The following PARN variants were observed in gnomAD, a reference collection of about 807,000 sequenced individuals.
PARN encodes poly(A)-specific ribonuclease PARN.
Under a neutral mutation model 102.8 loss-of-function variants are expected in PARN, and 71 were observed. The observed-to-expected ratio is 0.69, with a 90% CI of 0.57 to 0.84. The LOEUF (loss-of-function observed/expected upper bound fraction) is 0.84. Ranked by LOEUF, PARN falls within the 40% of genes least tolerant of loss-of-function variation. The pLI is 0.00. For synonymous variants in PARN, 261 were observed against 252.9 expected (o/e 1.03, Z -0.30); for missense variants, 782 against 760.9 (o/e 1.03, Z -0.33).
intron 12 of PARN, among the ~76,000 whole-genome samples, chr16:14,597,859 T>C (rs191988328): frequency 2.0e-5 from 3 of 151,974 alleles, no homozygotes; most frequent in African/African-American, 7.2e-5. Context: ...ATCCAAGTTA[T>C]ACAGCCGGGC....
intron 22 of PARN, among the ~76,000 whole-genome samples, chr16:14,473,973 G>A (rs1174497973): frequency 1.3e-5 from 2 of 152,082 alleles, no homozygotes; most frequent in African/African-American, 4.8e-5. Flanking sequence ...AATTTAGAGG[G>A]CGGCCTCCAC....
chr16:14,491,690 T>A (rs1437766733), intron 21 of PARN, among the ~76,000 whole-genome samples: 1 of 152,114 alleles, frequency 6.6e-6, no homozygotes, highest in African/African-American at 2.4e-5. Context: ...GAGGATCACT[T>A]GAGCCAGCAA....
intron 12 of PARN, among the ~76,000 whole-genome samples, chr16:14,593,970 C>A (rs1970355360): frequency 6.6e-6 from 1 of 151,704 alleles, no homozygotes; most frequent in Non-Finnish European, 1.5e-5. Flanking sequence ...GCACTCCAGC[C>A]TGGGCAACAG....
At chr16:14,509,594 T>G (rs560809972) in intron 21 of PARN, among the ~76,000 whole-genome samples, 1 of 152,166 alleles carries the variant, frequency 6.6e-6, no homozygotes, top group Non-Finnish European at 1.5e-5. Flanking sequence ...ATTATGAAGA[T>G]CAATTCTCAT....
In PARN at chr16:14,518,787, C is replaced by T. The variant is rs186626532; in HGVS notation, c.1480+33234G>A. ...TCTTTTAAATTTGACTTTGGAACTA[C>T]GACAATATTTTAAATAATTACAGAA... On this transcript the variant is annotated intron_variant, in intron 21 of 23. Coordinates refer to ENST00000437198, the MANE Select transcript of PARN (RefSeq NM_002582.4). 1.0e-3 allele frequency among the ~76,000 whole-genome samples: 157 copies of T among 152,132 alleles called. 1 individual carries two copies. Among genetic ancestry groups the T allele is most frequent in the East Asian group, 1.9e-4 (1 of 5,176 alleles).
chr16:14,610,553 A>G (rs1240388825), intron 7 of PARN, 91 bp downstream of exon 7: 30 of 755,056 alleles, frequency 4.0e-5, no homozygotes, highest in Admixed American at 2.7e-4. Flanking sequence ...TGTGTGTACT[A>G]TGTTTGTAAA....
intron 4 of PARN, 36 bp from the exon 5 acceptor site, chr16:14,627,223 T>C (rs777297041): frequency 1.8e-5 from 28 of 1,570,132 alleles, no homozygotes; most frequent in South Asian, 9.1e-5. Context: ...GGAGGTGACA[T>C]TGTGCCACAA....
intron 17 of PARN, among the ~76,000 whole-genome samples, chr16:14,581,312 A>G (rs1969519413): frequency 1.3e-5 from 2 of 152,090 alleles, no homozygotes; most frequent in African/African-American, 4.8e-5. Context: ...TCAGCCTCCT[A>G]AAGTGCTGGG....
At chr16:14,497,684 A>G (rs1212611720) in intron 21 of PARN, among the ~76,000 whole-genome samples, 2 of 152,200 alleles carry the variant, frequency 1.3e-5, no homozygotes, top group Admixed American at 6.5e-5. Flanking sequence ...TACAGGTTTC[A>G]GTGGTTGAAA....
chr16:14,567,286 G>A (rs966237414), intron 18 of PARN, among the ~76,000 whole-genome samples: 3 of 152,192 alleles, frequency 2.0e-5, no homozygotes, highest in African/African-American at 4.8e-5. Context: ...AATCTGGGAG[G>A]CTGGCTTGAA....
intron 6 of PARN, 81 bp from the exon 7 acceptor site, chr16:14,610,890 A>G: frequency 1.1e-6 from 1 of 876,644 alleles, no homozygotes; most frequent in South Asian, 1.6e-5. Flanking sequence ...AAGAGTCTAA[A>G]TTACTCAGGA....
intron 21 of PARN, among the ~76,000 whole-genome samples, chr16:14,544,792 T>C (rs1026525303): frequency 3.3e-5 from 5 of 151,924 alleles, no homozygotes; most frequent in African/African-American, 7.3e-5. Context: ...GACATGAAAA[T>C]TGACAAGATT....
chr16:14,498,696 T>C (rs1964440419), intron 21 of PARN, among the ~76,000 whole-genome samples: 1 of 152,192 alleles, frequency 6.6e-6, no homozygotes, highest in Non-Finnish European at 1.5e-5. Flanking sequence ...GAGAACAGTT[T>C]ATTTTAAAGG....
At chr16:14,491,860 CAA>C (rs1273810656) in intron 21 of PARN, among the ~76,000 whole-genome samples, 1 of 152,176 alleles carries the variant, frequency 6.6e-6, no homozygotes, top group African/African-American at 2.4e-5. Context: ...TGTCTCCACT[CAA>C]GAGAAAAAAC....
intron 5 of PARN, 61 bp downstream of exon 5, chr16:14,627,045 C>T: frequency 1.0e-6 from 1 of 960,236 alleles, no homozygotes; most frequent in East Asian, 2.5e-5. Flanking sequence ...ATTCTGATTT[C>T]ACATTTCCAT....
At chr16:14,608,407 TAA>T (rs1567444702) in intron 8 of PARN, 88 bp from the exon 9 acceptor site, 10 of 853,056 alleles carry the variant, frequency 1.2e-5, no homozygotes, top group Non-Finnish European at 1.8e-5. Context: ...GATTTCGCTT[TAA>T]AAAGAGACTT....
intron 21 of PARN, among the ~76,000 whole-genome samples, chr16:14,546,044 A>G (rs942726206): frequency 6.6e-6 from 1 of 152,218 alleles, no homozygotes; most frequent in Non-Finnish European, 1.5e-5. Context: ...CTTGAGAGAG[A>G]TCAACAAAAT....
intron 11 of PARN, among the ~76,000 whole-genome samples, chr16:14,601,423 T>G (rs1036512956): frequency 6.6e-6 from 1 of 151,958 alleles, no homozygotes; most frequent in Admixed American, 6.6e-5. Context: ...GTAAGTAGAA[T>G]AGTGGTTGCC....
intron 10 of PARN, 49 bp downstream of exon 10, chr16:14,606,435 G>T (rs748333046): frequency 3.4e-5 from 34 of 1,011,912 alleles, no homozygotes; most frequent in Non-Finnish European, 4.5e-5. Context: ...CCCTAACAGT[G>T]TAACAATGGA....
Sources: gnomAD v4.1 joint callset for allele counts (sites outside exome capture counted in the v4.1 genomes callset) on GRCh38, gnomAD v4.1.1 for gene constraint, MANE v1.5 for transcripts, NCBI Gene and HGNC (gene_info 2026-07-23, HGNC 2026-07-21) for gene names.